The following HACE1 variants were observed in gnomAD, a reference collection of about 807,000 sequenced individuals.
HACE1 encodes the protein HECT domain and ankyrin repeat containing E3 ubiquitin protein ligase 1.
HACE1 carries 73 observed loss-of-function variants against 118.4 expected under a neutral mutation model. The observed-to-expected ratio is 0.62, with a 90% confidence interval of 0.51 to 0.75. The LOEUF is 0.75. Ranked by LOEUF, HACE1 falls within the 30% of genes least tolerant of loss-of-function variation. The probability of loss-of-function intolerance (pLI) is 0.00; values close to 1 mark genes in which losing one functional copy is unlikely to be tolerated. For missense variants in HACE1, 749 were observed against 1,102.2 expected (o/e 0.68, Z 4.54); for synonymous variants, 368 against 374.8 (o/e 0.98, Z 0.21).
intron 19 of HACE1, among the ~76,000 whole-genome samples, chr6:104,761,026 C>T (rs556102245): frequency 1.4e-4 from 22 of 152,184 alleles, no homozygotes; most frequent in Middle Eastern, 3.4e-3. Flanking sequence ...AACTACAAAC[C>T]GCTGCTTTAA....
chr6:104,773,495 TG>T (rs1780858347), intron 17 of HACE1, among the ~76,000 whole-genome samples: 1 of 152,142 alleles, frequency 6.6e-6, no homozygotes, highest in South Asian at 2.1e-4. Context: ...AATAATTCAC[TG>T]TCATGAAGCA....
rs36077791 is a variant in HACE1 at position 104,771,286 on chromosome 6, T to C, written c.2118A>G (p.Leu706=). 34 of 1,613,034 alleles carry C rather than the reference T, an allele frequency of 2.1e-5. No individual in the cohort carries two copies. The highest frequency in any genetic ancestry group is 1.3e-4 in the South Asian group (12 of 91,066). The change falls in exon 19 of 24, where the codon CTA becomes CTG. Residue 706 remains leucine (L), a synonymous_variant. Coordinates refer to ENST00000262903, the MANE Select transcript of HACE1 (RefSeq NM_020771.4). ...DNDISDLGLE[L]TFSVETDVFG... is the part of the protein sequence containing the mutation. ...ACACATCAGTCTCAACAGAAAAAGTTAGTTCTAGACCCAGATCACTTATAT... is the reference window on the plus strand; with the variant it reads ...ACACATCAGTCTCAACAGAAAAAGTCAGTTCTAGACCCAGATCACTTATAT...
intron 17 of HACE1, among the ~76,000 whole-genome samples, chr6:104,772,900 G>C (rs994110528): frequency 1.3e-4 from 20 of 151,924 alleles, no homozygotes; most frequent in African/African-American, 4.8e-4. Flanking sequence ...TTTCTGCTTG[G>C]GGTGATGAAA....
In HACE1 at chr6:104,795,621, C is replaced by T. The variant is rs1769532961; in HGVS notation, c.881G>A (p.Ser294Asn). The T allele has an allele frequency of 1.2e-6, 2 of 1,612,950 alleles. No individual in the cohort carries two copies. The highest frequency in any genetic ancestry group is 1.7e-5 in the Admixed American group (1 of 60,006). Residue 294 changes from serine (S) to asparagine (N), a missense_variant, in exon 10 of 24, where the codon AGC becomes AAC. Around this residue, in one of 5 missense-constraint regions of HACE1, gnomAD observed 267 missense variants for 312.2 expected, o/e 0.86. Coordinates refer to ENST00000262903, the MANE Select transcript of HACE1 (RefSeq NM_020771.4). Reference protein sequence around the residue: ...SESQYLKILTSLAEVATTNGH... With the variant: ...SESQYLKILTNLAEVATTNGH... ...ATTTGTTGTAGCAACTTCAGCAAGG[C>T]TTGTTAGAATCTTTAGGTACTGGCT...
At chr6:104,787,037 ATAT>A (rs1040577048) in intron 11 of HACE1, 4 of 152,206 alleles carry the variant, frequency 2.6e-5, no homozygotes, top group African/African-American at 9.6e-5. Context: ...GATTTCTGTA[ATAT>A]TCTCTTTTTG....
At chr6:104,776,391 C>CA (rs1781227766) in intron 17 of HACE1, among the ~76,000 whole-genome samples, 2 of 152,082 alleles carry the variant, frequency 1.3e-5, no homozygotes, top group African/African-American at 4.8e-5. Flanking sequence ...ACATTTAATT[C>CA]AAAAAATGTA....
At position 104,796,991 on chromosome 6, in the gene HACE1, A is replaced by G. The variant is rs1390064587; in HGVS notation, c.652T>C (p.Leu218=). The change falls in exon 8 of 24, where the codon TTA becomes CTA. Residue 218 remains leucine, a synonymous_variant. Coordinates refer to ENST00000262903, the MANE Select transcript of HACE1 (RefSeq NM_020771.4). The part of the protein sequence containing the change: ...GQRDTAQILL[L]RGAKYLPDKN... Reference sequence around the variant, plus strand: ...TCTGGCAGATATTTGGCTCCTCGTAATAGTAGGATCTGTGCTGTATCTCTC... The same window carrying G: ...TCTGGCAGATATTTGGCTCCTCGTAGTAGTAGGATCTGTGCTGTATCTCTC... 1 of 1,601,208 alleles carries G rather than the reference A, an allele frequency of 6.2e-7. No homozygotes were observed. The highest frequency in any genetic ancestry group is 8.6e-7 in the Non-Finnish European group (1 of 1,168,530).
At chr6:104,756,427 ATATATAT>A (rs1562298839) in intron 19 of HACE1, among the ~76,000 whole-genome samples, 1 of 90,334 alleles carries the variant, frequency 1.1e-5, no homozygotes, top group African/African-American at 3.7e-5. Flanking sequence ...AAAAAAAAAA[ATATATAT>A]ATATATATAT....
chr6:104,738,739 ACT>A lies in HACE1; in HGVS notation c.2513+5419_2513+5420del, dbSNP rs879845366. Among the ~76,000 whole-genome samples the A allele has an allele frequency of 9.1e-3, 1,329 of 146,530 alleles. 19 individuals are homozygous for A. The highest frequency in any genetic ancestry group is 9.9e-3 in the Non-Finnish European group (664 of 67,120). On this transcript the variant is annotated intron_variant, in intron 22 of 23. Coordinates refer to ENST00000262903, the MANE Select transcript of HACE1 (RefSeq NM_020771.4). Reference sequence around the variant, plus strand: ...GGAGAATGGAACCAAGTTGGAAAACACTCTGCAGGATATTATCCAGGAGAACT... The same window carrying A: ...GGAGAATGGAACCAAGTTGGAAAACACTGCAGGATATTATCCAGGAGAACT...
chr6:104,774,080 C>CTCTTTTTTTTTTTT (rs1780927579), intron 17 of HACE1, among the ~76,000 whole-genome samples: 2 of 74,844 alleles, frequency 2.7e-5, no homozygotes, highest in African/African-American at 1.6e-4. Context: ...CATCTTTTCT[C>CTCTTTTTTTTTTTT]TTTTTTTTTT....
intron 14 of HACE1, among the ~76,000 whole-genome samples, chr6:104,778,274 T>C (rs1050681722): frequency 5.9e-5 from 9 of 152,182 alleles, no homozygotes; most frequent in Non-Finnish European, 1.2e-4. Flanking sequence ...GTACTTACTA[T>C]GTACCAACAC....
intron 6 of HACE1, among the ~76,000 whole-genome samples, chr6:104,819,403 G>A (rs901017026): frequency 6.6e-6 from 1 of 152,078 alleles, no homozygotes; most frequent in Admixed American, 6.5e-5. Flanking sequence ...CAAACAAATG[G>A]AAAAACATCC....
intron 21 of HACE1, 102 bp downstream of exon 21, chr6:104,744,410 T>C (rs1161007936): frequency 8.4e-6 from 7 of 834,168 alleles, no homozygotes; most frequent in Non-Finnish European, 1.5e-5. Flanking sequence ...GGTAAACACT[T>C]TACTTTGTTA....
At chr6:104,806,591 G>A (rs1295916552) in intron 7 of HACE1, among the ~76,000 whole-genome samples, 2 of 152,030 alleles carry the variant, frequency 1.3e-5, no homozygotes, top group East Asian at 1.9e-4. Flanking sequence ...CAATTACAAC[G>A]ATCCTCTTTC....
At chr6:104,784,962 AT>A in intron 12 of HACE1, 22 bp downstream of exon 12, 1 of 1,513,298 alleles carries the variant, frequency 6.6e-7, no homozygotes, top group South Asian at 1.2e-5. Context: ...GAAAAAAAAA[AT>A]AATAAGCCAA....
At chr6:104,839,460 C>T (rs913002974) in intron 5 of HACE1, among the ~76,000 whole-genome samples, 3 of 152,168 alleles carry the variant, frequency 2.0e-5, no homozygotes, top group Non-Finnish European at 2.9e-5. Context: ...CTGTAACATT[C>T]TTGAAATGAC....
In HACE1 at chr6:104,742,629, T is replaced by C. The variant is rs551068568; in HGVS notation, c.2513+1531A>G. On this transcript the variant is annotated intron_variant, in intron 22 of 23. Transcript: ENST00000262903. ...ACAATGAGATACCGTCTCACACCAGTTAGAATGGCGATCATTAAAAAGTCA... is the reference window on the plus strand; with the variant it reads ...ACAATGAGATACCGTCTCACACCAGCTAGAATGGCGATCATTAAAAAGTCA... Among the ~76,000 whole-genome samples the C allele has an allele frequency of 9.9e-5, 15 of 151,010 alleles. No individual in the cohort carries two copies. The South Asian group carries it at 2.9e-3, about 30-fold the overall frequency.
Position 104,859,786 on chromosome 6 carries a change from C to G in HACE1, c.-144G>C. ...TAGAGCACTGAGCTGCGAGGGCTGCCTGGGGCCACGTCCTGCGTCCGGGGG... is the reference window on the plus strand; with the variant it reads ...TAGAGCACTGAGCTGCGAGGGCTGCGTGGGGCCACGTCCTGCGTCCGGGGG... On this transcript the variant is annotated 5_prime_UTR_variant, in exon 1 of 24. Transcript: ENST00000262903. The G allele has an allele frequency of 4.2e-6, 3 of 713,518 alleles. No individual in the cohort carries two copies. Among genetic ancestry groups the G allele is most frequent in the Non-Finnish European group, 4.4e-6 (2 of 455,514 alleles). 44.2% of individuals were successfully genotyped at this position (713,518 alleles called of 1,614,324 possible).
At chr6:104,758,217 G>A (rs565360380) in intron 19 of HACE1, among the ~76,000 whole-genome samples, 2 of 152,136 alleles carry the variant, frequency 1.3e-5, no homozygotes, top group African/African-American at 4.8e-5. Context: ...GATACTCCTC[G>A]AGAAGAGCAA....
Sources: gnomAD v4.1 joint callset for allele counts (sites outside exome capture counted in the v4.1 genomes callset) on GRCh38, gnomAD v4.1.1 for gene constraint, gnomAD v4.1.1 regional missense constraint, MANE v1.5 for transcripts, NCBI Gene and HGNC (gene_info 2026-07-23, HGNC 2026-07-21) for gene names.